NUP37: variants seen among roughly 807,000 people sequenced by gnomAD.
The protein encoded by NUP37 is nucleoporin Nup37.
In NUP37, 33 loss-of-function variants were observed where a neutral mutation model predicts 45.4. The observed-to-expected ratio is 0.73, with a 90% CI of 0.55 to 0.97. The LOEUF (loss-of-function observed/expected upper bound fraction) is 0.97. NUP37 is among the 50% of genes least tolerant of loss of function. NUP37 has a pLI of 0.00. For synonymous variants in NUP37, 127 were observed against 130.7 expected, an observed-to-expected ratio of 0.97 and a Z score of 0.19; for missense variants, 365 against 389.7, an observed-to-expected ratio of 0.94 and a Z score of 0.53.
At chr12:102,112,068 G>C (rs768288516) in intron 3 of NUP37, 40 bp downstream of exon 3, 2 of 1,587,324 alleles carry the variant, frequency 1.3e-6, no homozygotes, top group Middle Eastern at 1.7e-4. Context: ...CACAATCAAA[G>C]TACATTAGTA....
At chr12:102,089,772 G>A (rs1173785235) in intron 5 of NUP37, among the ~76,000 whole-genome samples, 20 of 152,068 alleles carry the variant, frequency 1.3e-4, no homozygotes, top group Admixed American at 9.2e-4. Flanking sequence ...GGGCAGAGGC[G>A]CCCCTCAATT....
chr12:102,083,070 A>G (rs1188934855), intron 6 of NUP37, among the ~76,000 whole-genome samples: 3 of 152,214 alleles, frequency 2.0e-5, no homozygotes, highest in Non-Finnish European at 4.4e-5. Context: ...TGTAGGAGAA[A>G]AAACAAATTA....
intron 5 of NUP37, among the ~76,000 whole-genome samples, chr12:102,098,669 T>A (rs569447306): frequency 6.6e-6 from 1 of 152,134 alleles, no homozygotes; most frequent in Non-Finnish European, 1.5e-5. Context: ...GTAGCTGGAA[T>A]CACAAGTGCG....
chr12:102,079,227 GAGGATAATTATATCA>G, intron 6 of NUP37: 1 of 455,978 alleles, frequency 2.2e-6, no homozygotes, highest in Admixed American at 2.3e-5. Context: ...CTGTAAAATG[GAGGATAATTATATCA>G]GATTCAAAAA....
intron 3 of NUP37, among the ~76,000 whole-genome samples, chr12:102,106,999 A>AC (rs1456596581): frequency 6.6e-6 from 1 of 152,004 alleles, no homozygotes; most frequent in African/African-American, 2.4e-5. Context: ...GGTTCCTTAC[A>AC]CCCCACAATT....
intron 5 of NUP37, among the ~76,000 whole-genome samples, chr12:102,097,438 T>C (rs1350047340): frequency 6.6e-6 from 1 of 150,880 alleles, no homozygotes; most frequent in East Asian, 2.0e-4. Flanking sequence ...TACAAAATGA[T>C]AGTGGTAGAA....
intron 3 of NUP37, among the ~76,000 whole-genome samples, chr12:102,111,390 T>A (rs1192332904): frequency 6.6e-6 from 1 of 152,204 alleles, no homozygotes; most frequent in African/African-American, 2.4e-5. Context: ...TTGTCAAAAC[T>A]GATCAAACTA....
At chr12:102,081,429 A>C (rs1211030121) in intron 6 of NUP37, among the ~76,000 whole-genome samples, 1 of 152,210 alleles carries the variant, frequency 6.6e-6, no homozygotes, top group African/African-American at 2.4e-5. Flanking sequence ...TCAGAAGTAT[A>C]AACAATACTA....
intron 8 of NUP37, among the ~76,000 whole-genome samples, chr12:102,075,972 C>T (rs1004700803): frequency 2.0e-5 from 3 of 151,976 alleles, no homozygotes; most frequent in African/African-American, 7.3e-5. Flanking sequence ...GCAACAAGTC[C>T]CAATCCTTGA....
rs114063469 is a variant in NUP37, at chr12:102,092,847, T to G, written c.449+6259A>C. Among the ~76,000 whole-genome samples the G allele has an allele frequency of 5.1e-3, 772 of 152,228 alleles. 1 individual carries two copies. The highest frequency in any genetic ancestry group is 0.016 in the African/African-American group (678 of 41,564). Reference sequence around the variant, plus strand: ...AGCCTTAAAGGTGGAGACAACAAAATAGCAGGATAGTTGGAAGAATTTTAT... The same window carrying G: ...AGCCTTAAAGGTGGAGACAACAAAAGAGCAGGATAGTTGGAAGAATTTTAT... On this transcript the variant is annotated intron_variant, in intron 5 of 9. Coordinates refer to ENST00000552283, the MANE Select transcript of NUP37 (RefSeq NM_024057.4).
chr12:102,115,549 G>A (rs1880439680), intron 2 of NUP37, among the ~76,000 whole-genome samples: 1 of 152,116 alleles, frequency 6.6e-6, no homozygotes, highest in Non-Finnish European at 1.5e-5. Flanking sequence ...ATTTCCTTAA[G>A]GATATGGTCC....
At chr12:102,081,905 C>T (rs976556964) in intron 6 of NUP37, among the ~76,000 whole-genome samples, 3 of 152,016 alleles carry the variant, frequency 2.0e-5, no homozygotes, top group Non-Finnish European at 4.4e-5. Context: ...ACCATGTTGC[C>T]CAGGCTGGTC....
rs773742822 is a variant in NUP37 at position 102,085,856 on chromosome 12, C to T, written c.450G>A (p.Arg150=). 3 of 1,508,992 alleles carry T rather than the reference C, an allele frequency of 2.0e-6. No individual in the cohort carries two copies. The highest frequency in any genetic ancestry group is 2.7e-6 in the Non-Finnish European group (3 of 1,093,412). 93.5% of individuals were successfully genotyped at this position (1,508,992 alleles called of 1,614,324 possible). A position where few individuals can be genotyped will look rare whatever the true frequency, so the allele number is the denominator to read the frequency against. Reference sequence around the variant, plus strand: ...TTTGCACTCCTTCCAAGTTCCAAATCCTAATAAAAGAATAACAGTATAATG... The same window carrying T: ...TTTGCACTCCTTCCAAGTTCCAAATTCTAATAAAAGAATAACAGTATAATG... ...IASVSDDHTC[R]IWNLEGVQTA... Residue 150 remains arginine (R), a splice_region_variant and synonymous_variant, in exon 6 of 10, where the codon AGG becomes AGA. Transcript: ENST00000552283.
intron 2 of NUP37, among the ~76,000 whole-genome samples, chr12:102,112,847 A>G (rs1880357396): frequency 6.6e-6 from 1 of 152,340 alleles, no homozygotes; most frequent in Admixed American, 6.5e-5. Context: ...GTGGCATTAT[A>G]TGTGTGTAAG....
intron 7 of NUP37, 108 bp from the exon 8 acceptor site, chr12:102,076,955 T>C: frequency 1.3e-6 from 1 of 747,292 alleles, no homozygotes; most frequent in Non-Finnish European, 2.2e-6. Context: ...CCAATGTGTT[T>C]AAACTATAAT....
rs773100014 is a variant in NUP37, at chr12:102,112,113, T to G, written c.276A>C (p.Val92=). The change falls in exon 3 of 10, where the codon GTA becomes GTC. Residue 92 remains valine (V), a synonymous_variant. Coordinates refer to ENST00000552283, the MANE Select transcript of NUP37 (RefSeq NM_024057.4). The part of the protein sequence containing the change: ...PETRLDSLPP[V]IKFCTSAADM... ...TTTGGTACTGTTAAACTTACTTGATTACTGGAGGCAATGAATCAAGTCTAG... is the reference window on the plus strand; with the variant it reads ...TTTGGTACTGTTAAACTTACTTGATGACTGGAGGCAATGAATCAAGTCTAG... 1 of 1,613,600 alleles carries G rather than the reference T, an allele frequency of 6.2e-7. No individual in the cohort carries two copies. The highest frequency in any genetic ancestry group is 1.1e-5 in the South Asian group (1 of 91,012).
At chr12:102,107,570 C>T (rs1376538745) in intron 3 of NUP37, among the ~76,000 whole-genome samples, 1 of 152,164 alleles carries the variant, frequency 6.6e-6, no homozygotes, top group Non-Finnish European at 1.5e-5. Flanking sequence ...ATGATATATA[C>T]ACACAGTAAT....
intron 3 of NUP37, among the ~76,000 whole-genome samples, chr12:102,105,818 C>G (rs1018225609): frequency 6.9e-6 from 1 of 145,954 alleles, no homozygotes; most frequent in East Asian, 2.0e-4. Flanking sequence ...GCCGAGATCA[C>G]GCCAATGCAC....
At chr12:102,087,781 T>C (rs961492911) in intron 5 of NUP37, among the ~76,000 whole-genome samples, 4 of 152,216 alleles carry the variant, frequency 2.6e-5, no homozygotes, top group Admixed American at 6.5e-5. Flanking sequence ...TTGGCTATTA[T>C]ATAAATTGAG....
Sources: allele counts gnomAD v4.1 joint callset (sites outside exome capture counted in the v4.1 genomes callset), GRCh38; gene constraint gnomAD v4.1.1; transcripts MANE v1.5; gene names NCBI Gene and HGNC (gene_info 2026-07-23, HGNC 2026-07-21).